The following UNC13C variants were observed in gnomAD, a reference collection of about 807,000 sequenced individuals.
The protein encoded by UNC13C is unc-13 homolog C.
Under a neutral mutation model 245.4 loss-of-function variants are expected in UNC13C, and 174 were observed. The ratio of observed to expected loss-of-function variants is 0.71; its 90% CI spans 0.63 to 0.80. The LOEUF is 0.80. UNC13C is among the 30% of genes least tolerant of loss of function. The pLI, the probability that UNC13C is intolerant of heterozygous loss-of-function variation, is 0.00. For missense variants in UNC13C, 2,829 were observed against 2,602.9 expected, an observed-to-expected ratio of 1.09 and a Z score of -1.89; for synonymous variants, 992 against 895.1, an observed-to-expected ratio of 1.11 and a Z score of -1.93.
At chr15:54,484,435 A>G (rs74788654) in intron 19 of UNC13C, among the ~76,000 whole-genome samples, 4,505 of 152,328 alleles carry the variant, frequency 0.03, 176 homozygotes, top group Admixed American at 0.12. Flanking sequence ...TTATTTTAAA[A>G]CCATGAGCTG....
Position 54,138,931 on chromosome 15 carries a change from A to G in UNC13C, c.2984-4087A>G, listed in dbSNP as rs571728123. ...CTTTACTTGATATTATTGTGTGTGC[A>G]TATATCTCCAAATTTCCCCTAATTT... On this transcript the variant is annotated intron_variant, in intron 2 of 32. Transcript: ENST00000260323. 1.1e-4 allele frequency among the ~76,000 whole-genome samples: 14 copies of G among 123,792 alleles called. No homozygotes were observed. The South Asian group carries it at 3.8e-3, about 34-fold the overall frequency. The allele number at this position is 123,792 out of a possible 152,430, so 81.2% of individuals were successfully genotyped here.
At chr15:54,038,565 C>T (rs531160959) in intron 2 of UNC13C, among the ~76,000 whole-genome samples, 4 of 152,240 alleles carry the variant, frequency 2.6e-5, no homozygotes, top group Admixed American at 2.0e-4. Context: ...ACTTTTTAAA[C>T]TGCAGTTATA....
At chr15:53,855,157 C>A in the UNC13C span, among the ~76,000 whole-genome samples, 59 of 152,274 alleles carry the variant, frequency 3.9e-4, no homozygotes, top group Middle Eastern at 3.4e-3. Context: ...TATTCTGAGG[C>A]TTTCTGAAGT....
intron 2 of UNC13C, among the ~76,000 whole-genome samples, chr15:54,020,135 C>G (rs1013923090): frequency 2.0e-5 from 3 of 152,150 alleles, no homozygotes; most frequent in Non-Finnish European, 4.4e-5. Flanking sequence ...GGGATGTGAT[C>G]ATCAGAACAC....
At chr15:54,446,301 T>G (rs1334519766) in intron 19 of UNC13C, among the ~76,000 whole-genome samples, 1 of 152,220 alleles carries the variant, frequency 6.6e-6, no homozygotes, top group African/African-American at 2.4e-5. Context: ...CATACGAACT[T>G]TAAAGTAATT....
chr15:54,439,135 T>G (rs933247997), intron 19 of UNC13C, among the ~76,000 whole-genome samples: 2 of 151,922 alleles, frequency 1.3e-5, no homozygotes, highest in Non-Finnish European at 2.9e-5. Flanking sequence ...ATAAAATCCA[T>G]CTAAACTCAA....
chr15:53,930,200 A>T, the UNC13C span, among the ~76,000 whole-genome samples: 1 of 152,130 alleles, frequency 6.6e-6, no homozygotes, highest in Non-Finnish European at 1.5e-5. Context: ...CAGTTTCTTC[A>T]CATGGCCCCT....
At chr15:54,242,081 T>A (rs1446520608) in intron 7 of UNC13C, among the ~76,000 whole-genome samples, 1 of 152,224 alleles carries the variant, frequency 6.6e-6, no homozygotes, top group Admixed American at 6.5e-5. Flanking sequence ...TATTTTTGCA[T>A]CTACTTTGCA....
intron 26 of UNC13C, among the ~76,000 whole-genome samples, chr15:54,533,874 G>A (rs1297851197): frequency 6.6e-6 from 1 of 152,158 alleles, no homozygotes; most frequent in African/African-American, 2.4e-5. Context: ...CGTAAACAGT[G>A]ATACTCAAAA....
At chr15:54,613,803 G>A (rs1851003) in intron 30 of UNC13C, among the ~76,000 whole-genome samples, 7,577 of 151,946 alleles carry the variant, frequency 0.05, 648 homozygotes, top group African/African-American at 0.17. Context: ...GTGTCACTGT[G>A]TATTTGGCAA....
At chr15:54,313,905 T>G (rs1412713053) in intron 13 of UNC13C, among the ~76,000 whole-genome samples, 1 of 151,686 alleles carries the variant, frequency 6.6e-6, no homozygotes, top group African/African-American at 2.4e-5. Context: ...GTGAATGTAT[T>G]GAGAAAATGT....
intron 2 of UNC13C, among the ~76,000 whole-genome samples, chr15:54,038,116 A>ATTTTTTTTTTTTTTT (rs1315947594): frequency 4.4e-5 from 1 of 22,586 alleles, no homozygotes; most frequent in African/African-American, 1.9e-4. Context: ...ATATATATAT[A>ATTTTTTTTTTTTTTT]TATATATATT....
chr15:54,460,492 GTGGCTGTAATGGCTGGAGTTGGT>G (rs1279526868), intron 19 of UNC13C, among the ~76,000 whole-genome samples: 4 of 152,220 alleles, frequency 2.6e-5, no homozygotes, highest in Non-Finnish European at 5.9e-5. Context: ...TCTGTTATGA[GTGGCTGTAATGGCTGGAGTTGGT>G]TGGCCTCCAG....
At chr15:54,161,312 A>G (rs1189742317) in intron 4 of UNC13C, among the ~76,000 whole-genome samples, 1 of 152,278 alleles carries the variant, frequency 6.6e-6, no homozygotes, top group South Asian at 2.1e-4. Flanking sequence ...CATAAGGCCA[A>G]TTTGGACACA....
intron 17 of UNC13C, among the ~76,000 whole-genome samples, chr15:54,376,032 A>G (rs2039599963): frequency 6.6e-6 from 1 of 152,054 alleles, no homozygotes; most frequent in Non-Finnish European, 1.5e-5. Context: ...AGTATTTTTT[A>G]TTAGAGTCAG....
chr15:54,213,120 T>A (rs929352979), intron 4 of UNC13C, among the ~76,000 whole-genome samples: 34 of 152,032 alleles, frequency 2.2e-4, no homozygotes, highest in African/African-American at 7.7e-4. Flanking sequence ...CCTTCAAATG[T>A]GTGTCTATAT....
intron 4 of UNC13C, among the ~76,000 whole-genome samples, chr15:54,197,012 C>G (rs1183281586): frequency 6.6e-6 from 1 of 151,972 alleles, no homozygotes; most frequent in Non-Finnish European, 1.5e-5. Context: ...ACATATGTAA[C>G]AAACCTGTAC....
intron 19 of UNC13C, among the ~76,000 whole-genome samples, chr15:54,479,566 T>A (rs1892987566): frequency 1.3e-5 from 2 of 152,174 alleles, no homozygotes; most frequent in African/African-American, 4.8e-5. Context: ...ACAGTTTGCA[T>A]TCCAGGTTAT....
intron 19 of UNC13C, among the ~76,000 whole-genome samples, chr15:54,449,780 G>GTCAT (rs1220764774): frequency 6.6e-6 from 1 of 152,152 alleles, no homozygotes; most frequent in Non-Finnish European, 1.5e-5. Flanking sequence ...CAGCTCATCA[G>GTCAT]TCATTCTCCG....
Sources: allele counts gnomAD v4.1 joint callset (sites outside exome capture counted in the v4.1 genomes callset), GRCh38; gene constraint gnomAD v4.1.1; transcripts MANE v1.5; gene names NCBI Gene and HGNC (gene_info 2026-07-23, HGNC 2026-07-21).